MTMR12: variants seen among roughly 807,000 people sequenced by gnomAD.
MTMR12 encodes myotubularin-related protein 12.
In MTMR12, 33 loss-of-function variants were observed where a neutral mutation model predicts 96.7. The observed-to-expected ratio is 0.34, with a 90% CI of 0.26 to 0.46. The LOEUF (loss-of-function observed/expected upper bound fraction) is 0.46, where lower values mean the gene tolerates loss of function less well. Among genes scored for constraint, MTMR12 ranks in the 20% least tolerant of loss-of-function variants. MTMR12 has a pLI of 1.00. For synonymous variants in MTMR12, 298 were observed against 327.2 expected (o/e 0.91, Z 0.96); for missense variants, 721 against 896.1 (o/e 0.80, Z 2.49).
intron 8 of MTMR12, among the ~76,000 whole-genome samples, chr5:32,251,513 G>A (rs911305640): frequency 3.9e-5 from 6 of 152,166 alleles, no homozygotes; most frequent in African/African-American, 1.2e-4. Flanking sequence ...TGCACACGAC[G>A]TAAGGACTTC....
chr5:32,229,723 G>T lies in MTMR12; in HGVS notation c.*55C>A. The T allele has an allele frequency of 1.0e-5, 15 of 1,462,038 alleles. No individual in the cohort carries two copies. The highest frequency in any genetic ancestry group is 1.4e-5 in the Non-Finnish European group (15 of 1,101,044). 90.6% of individuals were successfully genotyped at this position (1,462,038 alleles called of 1,614,324 possible). Reference sequence around the variant, plus strand: ...GAGCTGTAGCGTGACACAAATCCAGGGATCAGCTGTCCCAATCTCCCACAT... The same window carrying T: ...GAGCTGTAGCGTGACACAAATCCAGTGATCAGCTGTCCCAATCTCCCACAT... On this transcript the variant is annotated 3_prime_UTR_variant, in exon 16 of 16. Coordinates refer to ENST00000382142, the MANE Select transcript of MTMR12 (RefSeq NM_001040446.3).
At chr5:32,266,350 T>C (rs1749593255) in intron 6 of MTMR12, among the ~76,000 whole-genome samples, 1 of 152,238 alleles carries the variant, frequency 6.6e-6, no homozygotes, top group Non-Finnish European at 1.5e-5. Context: ...AAAGCAACTC[T>C]GCCTTCCAGA....
At chr5:32,289,313 A>C (rs1750658101) in intron 1 of MTMR12, among the ~76,000 whole-genome samples, 1 of 152,260 alleles carries the variant, frequency 6.6e-6, no homozygotes, top group Non-Finnish European at 1.5e-5. Flanking sequence ...AGTTTGAATT[A>C]TAAAAACAGA....
intron 1 of MTMR12, among the ~76,000 whole-genome samples, chr5:32,310,254 G>C (rs1751522992): frequency 6.6e-6 from 1 of 152,144 alleles, no homozygotes; most frequent in Admixed American, 6.6e-5. Context: ...AGTGAGCTGT[G>C]ATCACGCCAC....
intron 13 of MTMR12, 137 bp downstream of exon 13, chr5:32,238,864 C>T (rs79640942): frequency 4.1e-5 from 39 of 945,062 alleles, no homozygotes; most frequent in Non-Finnish European, 5.3e-5. Context: ...CACAATGAAA[C>T]GATCCTAGTT....
At chr5:32,304,622 G>A (rs1172068346) in intron 1 of MTMR12, among the ~76,000 whole-genome samples, 4 of 152,218 alleles carry the variant, frequency 2.6e-5, no homozygotes, top group African/African-American at 9.6e-5. Flanking sequence ...AAGATGTTTA[G>A]AGAAAGATCC....
intron 1 of MTMR12, among the ~76,000 whole-genome samples, chr5:32,305,292 T>C (rs1751311702): frequency 1.3e-5 from 2 of 152,112 alleles, no homozygotes; most frequent in Admixed American, 1.3e-4. Flanking sequence ...TTTCACCATA[T>C]TGGCCAGGCT....
At chr5:32,294,286 G>GAAC (rs957827978) in intron 1 of MTMR12, among the ~76,000 whole-genome samples, 11 of 151,826 alleles carry the variant, frequency 7.2e-5, no homozygotes, top group African/African-American at 2.7e-4. Context: ...TATGCCTCCA[G>GAAC]AACAGCACTT....
At position 32,270,721 on chromosome 5, in the gene MTMR12, G is replaced by T. The variant is rs973616405; in HGVS notation, c.489+96C>A. 8.2e-6 allele frequency: 11 copies of T among 1,345,298 alleles called. No homozygotes were observed. In the African/African-American group the frequency reaches 1.5e-4, roughly 18 times the overall value. 83.3% of individuals were successfully genotyped at this position (1,345,298 alleles called of 1,614,324 possible). On this transcript the variant is annotated intron_variant, in intron 5 of 15. Coordinates refer to ENST00000382142, the MANE Select transcript of MTMR12 (RefSeq NM_001040446.3). ...CCAATTTCAAGTTCACAGAGTGAAA[G>T]CCTCCCCTCAACCTTCATGCAACGT...
chr5:32,287,207 G>T (rs1750571183), intron 1 of MTMR12, among the ~76,000 whole-genome samples: 1 of 152,198 alleles, frequency 6.6e-6, no homozygotes, highest in Non-Finnish European at 1.5e-5. Flanking sequence ...GCAAAATATT[G>T]ATCTTGGGTG....
At chr5:32,297,775 A>G (rs1019310390) in intron 1 of MTMR12, among the ~76,000 whole-genome samples, 13 of 152,228 alleles carry the variant, frequency 8.5e-5, no homozygotes, top group African/African-American at 3.1e-4. Context: ...TAAAACTTAC[A>G]TTAGAAAATA....
intron 1 of MTMR12, chr5:32,296,511 T>TTGGC (rs927626417): frequency 1.1e-5 from 4 of 348,866 alleles, no homozygotes; most frequent in African/African-American, 8.6e-5. Context: ...AAAGGTGTAA[T>TTGGC]TGGCTGGGCA....
intron 15 of MTMR12, among the ~76,000 whole-genome samples, chr5:32,231,829 C>T (rs1748008282): frequency 6.6e-6 from 1 of 152,204 alleles, no homozygotes; most frequent in South Asian, 2.1e-4. Context: ...AACCACCACC[C>T]AGTGCTTCCT....
chr5:32,253,749 G>A (rs1279132270), intron 8 of MTMR12, among the ~76,000 whole-genome samples: 1 of 152,228 alleles, frequency 6.6e-6, no homozygotes, highest in Non-Finnish European at 1.5e-5. Flanking sequence ...AGACGCCAGA[G>A]TAGCTGGGAC....
At position 32,279,076 on chromosome 5, in the gene MTMR12, C is replaced by CAA. The variant is rs35999870; in HGVS notation, c.82-2336_82-2335dup. 1.7e-3 allele frequency among the ~76,000 whole-genome samples: 88 copies of CAA among 50,518 alleles called. 12 individuals carry two copies. The highest frequency in any genetic ancestry group is 2.4e-3 in the Non-Finnish European group (64 of 26,472). The allele number at this position is 50,518 out of a possible 152,430, so 33.1% of individuals were successfully genotyped here. ...GGGCAACAAGAGCGAAACTCTGTCT[C>CAA]AAAAAAAAAAAAAAAAAAAAAAAAA... is the stretch of plus-strand genomic sequence containing the variant. On this transcript the variant is annotated intron_variant, in intron 1 of 15. Coordinates refer to ENST00000382142, the MANE Select transcript of MTMR12 (RefSeq NM_001040446.3).
At chr5:32,294,908 C>T (rs1236638391) in intron 1 of MTMR12, among the ~76,000 whole-genome samples, 3 of 152,154 alleles carry the variant, frequency 2.0e-5, no homozygotes, top group Non-Finnish European at 4.4e-5. Flanking sequence ...CAAGTATCAC[C>T]GAACTATTGT....
At chr5:32,264,463 C>CTTT (rs766108483) in intron 6 of MTMR12, among the ~76,000 whole-genome samples, 2 of 144,120 alleles carry the variant, frequency 1.4e-5, no homozygotes. Context: ...GAGCATATTA[C>CTTT]TTTTTTTTTT....
chr5:32,294,772 G>A (rs902069467), intron 1 of MTMR12, among the ~76,000 whole-genome samples: 6 of 152,152 alleles, frequency 3.9e-5, no homozygotes, highest in African/African-American at 1.4e-4. Flanking sequence ...TGAAAGAATG[G>A]ACACATGAAA....
At chr5:32,289,489 T>C (rs1433077064) in intron 1 of MTMR12, among the ~76,000 whole-genome samples, 4 of 152,144 alleles carry the variant, frequency 2.6e-5, no homozygotes, top group Non-Finnish European at 4.4e-5. Flanking sequence ...CCTCTGACAT[T>C]CTACCAGGGT....
Sources: allele counts gnomAD v4.1 joint callset (sites outside exome capture counted in the v4.1 genomes callset), GRCh38; gene constraint gnomAD v4.1.1; transcripts MANE v1.5; gene names NCBI Gene and HGNC (gene_info 2026-07-23, HGNC 2026-07-21).